KCNQ1: variants seen among roughly 807,000 people sequenced by gnomAD.
KCNQ1 encodes the protein potassium voltage-gated channel subfamily Q member 1.
KCNQ1 carries 49 observed loss-of-function variants against 72.4 expected under a neutral mutation model. The observed-to-expected ratio is 0.68, with a 90% CI of 0.54 to 0.86. The LOEUF (loss-of-function observed/expected upper bound fraction) is 0.86, where lower values mean the gene tolerates loss of function less well. Among genes scored for constraint, KCNQ1 ranks in the 40% least tolerant of loss-of-function variants. The probability of loss-of-function intolerance (pLI) is 0.00; values close to 1 mark genes in which losing one functional copy is unlikely to be tolerated. For synonymous variants in KCNQ1, 450 were observed against 412.6 expected (o/e 1.09, Z -1.10); for missense variants, 790 against 945.1 (o/e 0.84, Z 2.15).
intron 15 of KCNQ1, among the ~76,000 whole-genome samples, chr11:2,804,737 C>T (rs182222287): frequency 3.3e-5 from 5 of 152,342 alleles, no homozygotes; most frequent in East Asian, 3.9e-4. Flanking sequence ...GCCTTGCAGA[C>T]GGAGGCGACA....
Position 2,627,377 on chromosome 11 carries a change from T to C in KCNQ1, c.1394-34584T>C. 2 of 398,518 alleles carry C rather than the reference T, an allele frequency of 5.0e-6. No individual in the cohort carries two copies. Among genetic ancestry groups the C allele is most frequent in the Non-Finnish European group, 8.8e-6 (2 of 226,034 alleles). The allele number at this position is 398,518 out of a possible 1,614,324, so 24.7% of individuals were successfully genotyped here. A position where few individuals can be genotyped will look rare whatever the true frequency, so the allele number is the denominator to read the frequency against. On this transcript the variant is annotated intron_variant, in intron 10 of 15. Transcript: ENST00000155840. This position sits in a 1 kb window ranked among gnomAD's most constrained non-coding sequence, Gnocchi z 4.9. The stretch of plus-strand genomic sequence containing the variant: ...TTCCAAGTATAGAATATATTAACTA[T>C]AGTCACCAATCTGGACGTTATGTCA...
chr11:2,696,981 C>T (rs1037304370), intron 11 of KCNQ1: 5 of 397,460 alleles, frequency 1.3e-5, no homozygotes, highest in Non-Finnish European at 2.2e-5. Flanking sequence ...TTTTTTTTTC[C>T]ATGTAGCCCA....
chr11:2,709,646 C>T (rs1450402220), intron 11 of KCNQ1, among the ~76,000 whole-genome samples: 2 of 152,098 alleles, frequency 1.3e-5, no homozygotes, highest in Non-Finnish European at 2.9e-5. Context: ...CTTCCCTTCT[C>T]TCATTCCCCA....
In KCNQ1 at chr11:2,653,079, C is replaced by A. The variant is rs928819594; in HGVS notation, c.1394-8882C>A. ...ATAATTTGCATCAAACATCCTCATA[C>A]AGCAGGGTGTGGAGAGAGGCTCACT... On this transcript the variant is annotated intron_variant, in intron 10 of 15. Coordinates refer to ENST00000155840, the MANE Select transcript of KCNQ1 (RefSeq NM_000218.3). This position sits in a 1 kb window ranked among gnomAD's most constrained non-coding sequence, Gnocchi z 5.3. The A allele has an allele frequency of 2.5e-6, 1 of 398,736 alleles. No individual in the cohort carries two copies. Among genetic ancestry groups the A allele is most frequent in the Admixed American group, 4.4e-5 (1 of 22,744 alleles). The allele number at this position is 398,736 out of a possible 1,614,324, so 24.7% of individuals were successfully genotyped here.
chr11:2,681,201 T>G (rs1326039998), intron 11 of KCNQ1: 3 of 398,520 alleles, frequency 7.5e-6, no homozygotes, highest in Non-Finnish European at 1.3e-5. Flanking sequence ...TTTTGCAGTG[T>G]TTGTGTTCTA....
chr11:2,596,883 AATAT>A (rs1346122129), intron 10 of KCNQ1, among the ~76,000 whole-genome samples: 2 of 151,352 alleles, frequency 1.3e-5, no homozygotes, highest in Non-Finnish European at 2.9e-5. Context: ...ATATAATGTA[AATAT>A]ATAATATATA....
chr11:2,574,053 A>G (rs1848380823), intron 6 of KCNQ1, among the ~76,000 whole-genome samples: 1 of 152,128 alleles, frequency 6.6e-6, no homozygotes, highest in Admixed American at 6.5e-5. Flanking sequence ...GCGTTTATAT[A>G]TGCATGGAGC....
intron 11 of KCNQ1, chr11:2,685,126 A>G: frequency 5.0e-6 from 2 of 398,686 alleles, no homozygotes; most frequent in Non-Finnish European, 8.8e-6. Flanking sequence ...TCTGATGGTC[A>G]GAGCTAATCA....
intron 15 of KCNQ1, among the ~76,000 whole-genome samples, chr11:2,807,910 C>T (rs909978345): frequency 1.3e-5 from 2 of 152,196 alleles, no homozygotes; most frequent in Admixed American, 6.5e-5. Context: ...AGGGAAGCAG[C>T]GGTAGAGAAG....
intron 11 of KCNQ1, among the ~76,000 whole-genome samples, chr11:2,755,030 G>T (rs1345682743): frequency 6.6e-6 from 1 of 152,200 alleles, no homozygotes; most frequent in Non-Finnish European, 1.5e-5. Flanking sequence ...CCAACCCCAG[G>T]TCTGATGGGG....
At chr11:2,530,428 G>A (rs990649974) in intron 2 of KCNQ1, among the ~76,000 whole-genome samples, 4 of 152,232 alleles carry the variant, frequency 2.6e-5, no homozygotes, top group African/African-American at 9.6e-5. Flanking sequence ...GGAGGGCCTG[G>A]GGCCAAGGAT....
At chr11:2,740,725 G>C (rs552611633) in intron 11 of KCNQ1, among the ~76,000 whole-genome samples, 5 of 152,314 alleles carry the variant, frequency 3.3e-5, no homozygotes, top group African/African-American at 9.6e-5. Context: ...TCCTAGGGGC[G>C]CCCACATCCC....
Position 2,563,572 on chromosome 11 carries a change from C to G in KCNQ1, c.478-7056C>G, listed in dbSNP as rs565610115. 6.6e-6 allele frequency among the ~76,000 whole-genome samples: 1 copy of G among 152,208 alleles called. No individual in the cohort carries two copies. Among genetic ancestry groups the G allele is most frequent in the Admixed American group, 6.5e-5 (1 of 15,282 alleles). The stretch of plus-strand genomic sequence containing the variant: ...TCCCCTGGGTTGAGGTTGAGGGTCC[C>G]AGGGTCTGTCTGCCTAATGACAAGA... On this transcript the variant is annotated intron_variant, in intron 2 of 15. Coordinates refer to ENST00000155840, the MANE Select transcript of KCNQ1 (RefSeq NM_000218.3). The surrounding 1 kb of genome is among the most constrained non-coding windows in gnomAD (Gnocchi z 7.4).
chr11:2,647,307 G>C lies in KCNQ1; in HGVS notation c.1394-14654G>C. The C allele has an allele frequency of 2.5e-6, 1 of 398,392 alleles. No homozygotes were observed. Among genetic ancestry groups the C allele is most frequent in the Non-Finnish European group, 4.4e-6 (1 of 226,034 alleles). 24.7% of individuals were successfully genotyped at this position (398,392 alleles called of 1,614,324 possible). On this transcript the variant is annotated intron_variant, in intron 10 of 15. Transcript: ENST00000155840. This position sits in a 1 kb window ranked among gnomAD's most constrained non-coding sequence, Gnocchi z 4.0. ...GATTTGTATATGTTGAACCATCCTTGAATCCCTGGGATAAATCCCACTTGA... is the reference window on the plus strand; with the variant it reads ...GATTTGTATATGTTGAACCATCCTTCAATCCCTGGGATAAATCCCACTTGA...
At chr11:2,583,069 G>T (rs997990980) in intron 6 of KCNQ1, among the ~76,000 whole-genome samples, 1 of 152,174 alleles carries the variant, frequency 6.6e-6, no homozygotes, top group Non-Finnish European at 1.5e-5. Context: ...CCTGGGGGCC[G>T]GCGCACAGCA....
At chr11:2,628,473 A>G in intron 10 of KCNQ1, 1 of 398,292 alleles carries the variant, frequency 2.5e-6, no homozygotes, top group Non-Finnish European at 4.4e-6. Flanking sequence ...GTCCATCTTA[A>G]CAGGTTATTA....
chr11:2,449,040 C>A (rs1277809772), intron 1 of KCNQ1, among the ~76,000 whole-genome samples: 5 of 152,236 alleles, frequency 3.3e-5, no homozygotes, highest in African/African-American at 7.2e-5. Context: ...TGGGTCCTTG[C>A]AGGTGGCCTG....
chr11:2,562,570 G>A lies in KCNQ1; in HGVS notation c.478-8058G>A. ...CCCTCTGGCTTCCTCGCTATGGGAGGGGGTGAGACCCTAATCCCGGGTCCC... is the reference window on the plus strand; with the variant it reads ...CCCTCTGGCTTCCTCGCTATGGGAGAGGGTGAGACCCTAATCCCGGGTCCC... On this transcript the variant is annotated intron_variant, in intron 2 of 15. Coordinates refer to ENST00000155840, the MANE Select transcript of KCNQ1 (RefSeq NM_000218.3). The surrounding 1 kb of genome is among the most constrained non-coding windows in gnomAD (Gnocchi z 7.5). Among the ~76,000 whole-genome samples the A allele has an allele frequency of 6.6e-6, 1 of 152,166 alleles. No homozygotes were observed. The highest frequency in any genetic ancestry group is 1.5e-5 in the Non-Finnish European group (1 of 68,008).
chr11:2,485,853 G>C (rs1846732606), intron 1 of KCNQ1, among the ~76,000 whole-genome samples: 1 of 152,240 alleles, frequency 6.6e-6, no homozygotes, highest in Non-Finnish European at 1.5e-5. Flanking sequence ...CACTCATGCT[G>C]TAGCATGTGT....
Sources: gnomAD v4.1 joint callset for allele counts (sites outside exome capture counted in the v4.1 genomes callset) on GRCh38, gnomAD v4.1.1 for gene constraint, Gnocchi (gnomAD v3.1) non-coding constraint, MANE v1.5 for transcripts, NCBI Gene and HGNC (gene_info 2026-07-23, HGNC 2026-07-21) for gene names.